The following CPAP variants were observed in gnomAD, a reference collection of about 807,000 sequenced individuals.
CPAP encodes centrosomal P4.1-associated protein.
chr13:24,885,064 C>G, the CPAP span, among the ~76,000 whole-genome samples: 3 of 152,170 alleles, frequency 2.0e-5, no homozygotes, highest in Non-Finnish European at 2.9e-5. Flanking sequence ...TGAACAGAAG[C>G]TTTTAAGAAG....
chr13:24,882,580 A>ACAT, the CPAP span: 3 of 153,554 alleles, frequency 2.0e-5, no homozygotes, highest in South Asian at 2.0e-4. Flanking sequence ...CCATTTTGAG[A>ACAT]CATTACATTA....
the CPAP span, among the ~76,000 whole-genome samples, chr13:24,928,543 G>A: frequency 6.6e-6 from 1 of 152,196 alleles, no homozygotes; most frequent in Non-Finnish European, 1.5e-5. Flanking sequence ...TGATTCTCCT[G>A]CCTCAGCCTC....
At chr13:24,905,778 C>CA in the CPAP span, 1 of 1,614,162 alleles carries the variant, frequency 6.2e-7, no homozygotes, top group East Asian at 2.2e-5. Context: ...TCCAGATCAA[C>CA]ATCTCTCCTT....
the CPAP span, among the ~76,000 whole-genome samples, chr13:24,914,356 T>C: frequency 6.6e-6 from 1 of 152,120 alleles, no homozygotes; most frequent in Admixed American, 6.5e-5. Context: ...TATTTAAACC[T>C]ATTATATCAC....
chr13:24,904,676 T>C, the CPAP span, among the ~76,000 whole-genome samples: 1 of 152,360 alleles, frequency 6.6e-6, no homozygotes, highest in Admixed American at 6.5e-5. Context: ...AGTTAAGTTG[T>C]AAATATTTTT....
chr13:24,893,582 G>A, the CPAP span, among the ~76,000 whole-genome samples: 1 of 152,222 alleles, frequency 6.6e-6, no homozygotes, highest in Admixed American at 6.5e-5. Context: ...CACAGAGGGT[G>A]TGGACTTTGG....
the CPAP span, chr13:24,912,719 T>A: frequency 6.2e-7 from 1 of 1,614,204 alleles, no homozygotes; most frequent in Non-Finnish European, 8.5e-7. Context: ...GGTCCCTTTT[T>A]AATGCAAGGA....
At chr13:24,889,487 A>C in the CPAP span, 1 of 898,084 alleles carries the variant, frequency 1.1e-6, no homozygotes, top group Non-Finnish European at 1.8e-6. Flanking sequence ...AGCTAGTGCT[A>C]AGAATGCTGT....
the CPAP span, chr13:24,909,795 G>T: frequency 6.2e-7 from 1 of 1,611,114 alleles, no homozygotes; most frequent in South Asian, 1.1e-5. Flanking sequence ...CTCACCTGTA[G>T]GATGGTTACG....
the CPAP span, among the ~76,000 whole-genome samples, chr13:24,932,216 G>C: frequency 6.6e-6 from 1 of 152,228 alleles, no homozygotes; most frequent in Non-Finnish European, 1.5e-5. Flanking sequence ...ATCTCCAAAG[G>C]GCAGCTTTCT....
At chr13:24,907,199 T>A in the CPAP span, 1 of 1,591,618 alleles carries the variant, frequency 6.3e-7, no homozygotes, top group Non-Finnish European at 8.6e-7. Context: ...TGGGCCTAAT[T>A]AGAAACAGAA....
chr13:24,907,795 T>C, the CPAP span, among the ~76,000 whole-genome samples: 5 of 152,228 alleles, frequency 3.3e-5, no homozygotes, highest in African/African-American at 1.2e-4. Flanking sequence ...GATGTTTCTC[T>C]TAAGTGAAAA....
At chr13:24,882,348 C>CTGATTCATAG in the CPAP span, 1 of 151,340 alleles carries the variant, frequency 6.6e-6, no homozygotes, top group Admixed American at 6.6e-5. Context: ...TTAACAAAAC[C>CTGATTCATAG]TGATTCATAG....
chr13:24,915,502 T>C, the CPAP span, among the ~76,000 whole-genome samples: 1 of 151,958 alleles, frequency 6.6e-6, no homozygotes, highest in Non-Finnish European at 1.5e-5. Flanking sequence ...GGATTGAGGG[T>C]AGTCAAAAAG....
the CPAP span, chr13:24,908,018 C>CT: frequency 2.5e-6 from 4 of 1,593,312 alleles, no homozygotes; most frequent in Non-Finnish European, 3.4e-6. Flanking sequence ...CGAACAATAC[C>CT]TTTCTTCAAT....
At chr13:24,917,831 G>C in the CPAP span, among the ~76,000 whole-genome samples, 15 of 152,166 alleles carry the variant, frequency 9.9e-5, no homozygotes, top group Non-Finnish European at 2.1e-4. Context: ...GTCCCATGGG[G>C]GAAGAGTAGA....
At chr13:24,899,569 G>C in the CPAP span, 40 of 1,613,552 alleles carry the variant, frequency 2.5e-5, no homozygotes, top group Admixed American at 3.3e-4. Flanking sequence ...GTTGTTCGAA[G>C]TCTGCAATTT....
At chr13:24,931,677 T>C in the CPAP span, among the ~76,000 whole-genome samples, 1 of 152,204 alleles carries the variant, frequency 6.6e-6, no homozygotes, top group Non-Finnish European at 1.5e-5. Flanking sequence ...GGCAGATAAA[T>C]GTATTTCTAA....
the CPAP span, chr13:24,909,872 A>G: frequency 6.2e-7 from 1 of 1,613,882 alleles, no homozygotes; most frequent in South Asian, 1.1e-5. Flanking sequence ...AAAATAAATT[A>G]GGAGACGCAC....
Sources: gnomAD v4.1 joint callset for allele counts (sites outside exome capture counted in the v4.1 genomes callset) on GRCh38, gnomAD v4.1.1 for gene constraint, MANE v1.5 for transcripts, NCBI Gene and HGNC (gene_info 2026-07-23, HGNC 2026-07-21) for gene names.